CGNL1: variants seen among roughly 807,000 people sequenced by gnomAD.
CGNL1 encodes the protein cingulin-like protein 1.
CGNL1 carries 132 observed loss-of-function variants against 141.2 expected under a neutral mutation model. That is an observed-to-expected ratio of 0.93 (90% CI 0.81 to 1.08). The LOEUF (loss-of-function observed/expected upper bound fraction) is 1.08. CGNL1 is among the 50% of genes least tolerant of loss of function. The pLI, the probability that CGNL1 is intolerant of heterozygous loss-of-function variation, is 0.00. For missense variants in CGNL1, 1,870 were observed against 1,588.6 expected, an observed-to-expected ratio of 1.18 and a Z score of -3.01; for synonymous variants, 690 against 622.1, an observed-to-expected ratio of 1.11 and a Z score of -1.63.
chr15:57,465,014 A>G (rs149835416), intron 8 of CGNL1, among the ~76,000 whole-genome samples: 2,896 of 152,058 alleles, frequency 0.019, 46 homozygotes, highest in Middle Eastern at 0.027. Context: ...GGCCTCCCAA[A>G]GTGCTGGGAT....
intron 8 of CGNL1, among the ~76,000 whole-genome samples, chr15:57,471,543 A>G (rs559954079): frequency 6.6e-6 from 1 of 152,320 alleles, no homozygotes; most frequent in East Asian, 1.9e-4. Context: ...AGAAAGTGAC[A>G]AGACTTAGTT....
chr15:57,432,937 T>A (rs1415381371), intron 1 of CGNL1, among the ~76,000 whole-genome samples: 2 of 152,038 alleles, frequency 1.3e-5, no homozygotes, highest in African/African-American at 4.8e-5. Context: ...ATGTAATTAG[T>A]GTTGACTGTA....
chr15:57,442,083 G>A (rs1280401), intron 3 of CGNL1, among the ~76,000 whole-genome samples: 145,653 of 151,744 alleles, frequency 0.96, 69,926 homozygotes, highest in Non-Finnish European at 0.97. Flanking sequence ...TGTTCACTGG[G>A]TGTCTTCTCC....
In CGNL1 at chr15:57,437,948, C is replaced by T. The variant is rs1038914184; in HGVS notation, c.-15-37C>T. On this transcript the variant is annotated intron_variant, in intron 1 of 18. Transcript: ENST00000281282. ...TTCATTTAAACAGATGTAATTCTAA[C>T]CTAATGTCCTCTTTTTACCCCATCT... 56 of 1,524,170 alleles carry T rather than the reference C, an allele frequency of 3.7e-5. No homozygotes were observed. In the African/African-American group the frequency reaches 7.3e-4, roughly 20 times the overall value. 94.4% of individuals were successfully genotyped at this position (1,524,170 alleles called of 1,614,324 possible). A position where few individuals can be genotyped will look rare whatever the true frequency, so the allele number is the denominator to read the frequency against.
intron 1 of CGNL1, among the ~76,000 whole-genome samples, chr15:57,399,487 A>G (rs1251931121): frequency 6.6e-6 from 1 of 151,224 alleles, no homozygotes; most frequent in Non-Finnish European, 1.5e-5. Context: ...TTTGAAAAGT[A>G]GAATCTTGTT....
intron 14 of CGNL1, among the ~76,000 whole-genome samples, chr15:57,538,900 A>G (rs1385446422): frequency 6.6e-6 from 1 of 152,096 alleles, no homozygotes; most frequent in Non-Finnish European, 1.5e-5. Flanking sequence ...GGGAAAAAAG[A>G]GTGTATGAGT....
At chr15:57,414,327 C>A (rs370593793) in intron 1 of CGNL1, among the ~76,000 whole-genome samples, 1 of 152,310 alleles carries the variant, frequency 6.6e-6, no homozygotes, top group African/African-American at 2.4e-5. Context: ...GTCAGCCCCA[C>A]AATAAGAGCA....
intron 12 of CGNL1, among the ~76,000 whole-genome samples, chr15:57,526,627 C>G (rs74016257): frequency 6.6e-6 from 1 of 151,926 alleles, no homozygotes; most frequent in African/African-American, 2.4e-5. Context: ...TACCATTGTT[C>G]AGTTTATTTT....
intron 8 of CGNL1, among the ~76,000 whole-genome samples, chr15:57,508,255 T>G (rs1208589467): frequency 1.6e-5 from 2 of 128,796 alleles, no homozygotes; most frequent in African/African-American, 6.0e-5. Flanking sequence ...AGTTCTGAAC[T>G]GTAGATGTGT....
intron 1 of CGNL1, among the ~76,000 whole-genome samples, chr15:57,416,250 C>T (rs1018518536): frequency 6.7e-6 from 1 of 149,102 alleles, no homozygotes; most frequent in South Asian, 2.1e-4. Flanking sequence ...CTTCTAGCCT[C>T]TTTACATGTA....
intron 1 of CGNL1, among the ~76,000 whole-genome samples, chr15:57,378,862 G>T (rs1028759422): frequency 3.3e-5 from 5 of 152,170 alleles, no homozygotes; most frequent in Admixed American, 6.5e-5. Flanking sequence ...CCACGACCAT[G>T]CTCTGCTGCT....
intron 18 of CGNL1, 34 bp downstream of exon 18, chr15:57,546,273 A>C: frequency 6.5e-7 from 1 of 1,538,122 alleles, no homozygotes; most frequent in Non-Finnish European, 8.8e-7. Flanking sequence ...AGGGCCGGGT[A>C]ATCTCCCCAC....
Position 57,528,808 on chromosome 15 carries a change from A to T in CGNL1, c.3194A>T (p.Gln1065Leu), listed in dbSNP as rs1168833944. ...LKDDRSRLVK[Q>L]MEDKVSQLEM... The stretch of plus-strand genomic sequence containing the variant: ...GATGACCGCAGCAGGCTGGTCAAGC[A>T]GATGGAGGTCTGTGGGCCGTACAGT... Residue 1065 changes from glutamine (Q) to leucine (L), a missense_variant, in exon 13 of 19, where the codon CAG (glutamine) becomes CTG (leucine). Gln to Leu is a moderately radical substitution (Grantham distance 113). Coordinates refer to ENST00000281282, the MANE Select transcript of CGNL1 (RefSeq NM_032866.5). 1.2e-6 allele frequency: 2 copies of T among 1,613,656 alleles called. No individual in the cohort carries two copies. Among genetic ancestry groups the T allele is most frequent in the Admixed American group, 1.7e-5 (1 of 59,988 alleles).
chr15:57,439,251 C>T lies in CGNL1; in HGVS notation c.1252C>T (p.Leu418Phe). 1 of 1,614,104 alleles carries T rather than the reference C, an allele frequency of 6.2e-7. No homozygotes were observed. The highest frequency in any genetic ancestry group is 2.2e-5 in the East Asian group (1 of 44,878). The change falls in exon 2 of 19, where the codon CTC (leucine) becomes TTC (phenylalanine). Residue 418 changes from leucine (L) to phenylalanine (F), a missense_variant. By Grantham distance (22) the Leu-to-Phe change is conservative (BLOSUM62 0). Coordinates refer to ENST00000281282, the MANE Select transcript of CGNL1 (RefSeq NM_032866.5). ...GAACTTGGGCAAGTCAAGCGAACAC[C>T]TCCTCCGGCCTTCCCAGGTGTGCCC... ...SRNLGKSSEHLLRPSQVCPQR... is the reference protein window; with the variant it reads ...SRNLGKSSEHFLRPSQVCPQR...
At chr15:57,475,843 C>A (rs1175050020) in intron 8 of CGNL1, among the ~76,000 whole-genome samples, 2 of 152,078 alleles carry the variant, frequency 1.3e-5, no homozygotes, top group Non-Finnish European at 2.9e-5. Flanking sequence ...TTCACCAGCC[C>A]CCGAGCTATG....
intron 7 of CGNL1, 22 bp downstream of exon 7, chr15:57,453,840 G>A (rs1254116709): frequency 8.1e-6 from 13 of 1,611,832 alleles, no homozygotes; most frequent in African/African-American, 1.3e-5. Context: ...TGTGGGGTCA[G>A]GTGATAAGAC....
At chr15:57,455,406 G>C (rs187977391) in intron 7 of CGNL1, among the ~76,000 whole-genome samples, 1 of 152,322 alleles carries the variant, frequency 6.6e-6, no homozygotes, top group East Asian at 1.9e-4. Context: ...AGGGAAAGAT[G>C]TTATCTTAGC....
intron 14 of CGNL1, among the ~76,000 whole-genome samples, chr15:57,538,335 T>C (rs2032375827): frequency 1.3e-5 from 2 of 152,288 alleles, no homozygotes. Flanking sequence ...ATGGACTGCC[T>C]GCTCAGGTCA....
chr15:57,431,342 C>G (rs1347833298), intron 1 of CGNL1, among the ~76,000 whole-genome samples: 3 of 152,200 alleles, frequency 2.0e-5, no homozygotes, highest in Admixed American at 6.5e-5. Flanking sequence ...TACAAAGACA[C>G]TTCCTTTAAA....
Sources: gnomAD v4.1 joint callset for allele counts (sites outside exome capture counted in the v4.1 genomes callset) on GRCh38, gnomAD v4.1.1 for gene constraint, MANE v1.5 for transcripts, NCBI Gene and HGNC (gene_info 2026-07-23, HGNC 2026-07-21) for gene names.